The following RAB3IL1 variants were observed in gnomAD, a reference collection of about 807,000 sequenced individuals.
RAB3IL1 encodes guanine nucleotide exchange factor for Rab-3A.
Under a neutral mutation model 49.2 loss-of-function variants are expected in RAB3IL1, and 37 were observed. The observed-to-expected ratio is 0.75, with a 90% CI of 0.58 to 0.99. RAB3IL1 has a LOEUF of 0.99. Ranked by LOEUF, RAB3IL1 falls within the 50% of genes least tolerant of loss-of-function variation. The pLI, the probability that RAB3IL1 is intolerant of heterozygous loss-of-function variation, is 0.00. For synonymous variants in RAB3IL1, 193 were observed against 213.9 expected (o/e 0.90, Z 0.85); for missense variants, 484 against 513.0 (o/e 0.94, Z 0.55).
At position 61,898,892 on chromosome 11, in the gene RAB3IL1, G is replaced by A. The variant is rs751947248; in HGVS notation, c.1066+422C>T. On this transcript the variant is annotated intron_variant, in intron 9 of 9. Coordinates refer to ENST00000394836, the MANE Select transcript of RAB3IL1 (RefSeq NM_013401.4). This position sits in a 1 kb window ranked among gnomAD's most constrained non-coding sequence, Gnocchi z 5.1. ...AGGAGAAGACTCAGCAGCGAGCAAA[G>A]GTTGGTGGAGGAGCGGGGAGCCAGG... 1 of 474,012 alleles carries A rather than the reference G, an allele frequency of 2.1e-6. No individual in the cohort carries two copies. Among genetic ancestry groups the A allele is most frequent in the Non-Finnish European group, 4.2e-6 (1 of 239,166 alleles). The allele number at this position is 474,012 out of a possible 1,614,324, so 29.4% of individuals were successfully genotyped here.
intron 1 of RAB3IL1, among the ~76,000 whole-genome samples, chr11:61,916,510 G>A (rs1468209393): frequency 6.6e-6 from 1 of 152,134 alleles, no homozygotes; most frequent in African/African-American, 2.4e-5. Flanking sequence ...TTTCCGGGGG[G>A]CTTCCCTCAC....
In RAB3IL1 at chr11:61,897,939, TG is replaced by T; in HGVS notation, c.*338del. On this transcript the variant is annotated 3_prime_UTR_variant, in exon 10 of 10. Coordinates refer to ENST00000394836, the MANE Select transcript of RAB3IL1 (RefSeq NM_013401.4). ...GGCACCTGCAGGCAGTTCTGGGGAC[TG>T]GGGAGGGGGCGCTGGCTGCCTCAGG... 7.1e-6 allele frequency: 2 copies of T among 281,182 alleles called. No individual in the cohort carries two copies. Among genetic ancestry groups the T allele is most frequent in the Non-Finnish European group, 6.9e-6 (1 of 145,890 alleles). The allele number at this position is 281,182 out of a possible 1,614,324, so 17.4% of individuals were successfully genotyped here.
Position 61,898,310 on chromosome 11 carries a change from C to A in RAB3IL1, c.1117G>T (p.Ala373Ser). 2 of 1,613,502 alleles carry A rather than the reference C, an allele frequency of 1.2e-6. No homozygotes were observed. Among genetic ancestry groups the A allele is most frequent in the African/African-American group, 2.7e-5 (2 of 75,060 alleles). The change falls in exon 10 of 10, where the codon GCC (alanine) becomes TCC (serine). Residue 373 changes from alanine (A) to serine (S), a missense_variant. Ala to Ser is a moderately conservative substitution (Grantham distance 99). Transcript: ENST00000394836. This position sits in a 1 kb window ranked among gnomAD's most constrained non-coding sequence, Gnocchi z 5.1. ...IMRLRKEMSL[A>S]KLGFFPQEA ...TCCTGGGGGAAGAAGCCGAGCTTGG[C>A]CAGTGACATCTCCTTCCGCAACCTC...
At chr11:61,942,371 T>A in the RAB3IL1 span, among the ~76,000 whole-genome samples, 314 of 152,250 alleles carry the variant, frequency 2.1e-3, 3 homozygotes, top group Admixed American at 2.2e-3. Flanking sequence ...TTTGTTCACT[T>A]GTTTATCTGC....
chr11:61,934,809 C>G, the RAB3IL1 span, among the ~76,000 whole-genome samples: 2 of 152,068 alleles, frequency 1.3e-5, no homozygotes, highest in Non-Finnish European at 2.9e-5. Context: ...TATCACTGTT[C>G]TAGGTATTTA....
chr11:61,924,887 A>T (rs534944394), upstream of RAB3IL1, among the ~76,000 whole-genome samples: 4 of 152,128 alleles, frequency 2.6e-5, no homozygotes, highest in Non-Finnish European at 5.9e-5. Flanking sequence ...CCCGCTCTCA[A>T]CTCCTCAGAA....
At chr11:61,935,211 G>A in the RAB3IL1 span, among the ~76,000 whole-genome samples, 1 of 152,016 alleles carries the variant, frequency 6.6e-6, no homozygotes, top group African/African-American at 2.4e-5. Flanking sequence ...CACGAGGTCT[G>A]GGGTTCAAGA....
Position 61,906,802 on chromosome 11 carries a change from C to T in RAB3IL1, c.439-118G>A. On this transcript the variant is annotated intron_variant, in intron 4 of 9. Coordinates refer to ENST00000394836, the MANE Select transcript of RAB3IL1 (RefSeq NM_013401.4). This position sits in a 1 kb window ranked among gnomAD's most constrained non-coding sequence, Gnocchi z 4.6. The stretch of plus-strand genomic sequence containing the variant: ...CTGCAGTGACAGGCACTTAGTCCCA[C>T]CCGACGCCCTCAGAACAGCCTTCGA... 1 of 956,410 alleles carries T rather than the reference C, an allele frequency of 1.0e-6. No homozygotes were observed. Among genetic ancestry groups the T allele is most frequent in the Non-Finnish European group, 1.6e-6 (1 of 617,822 alleles). The allele number at this position is 956,410 out of a possible 1,614,324, so 59.2% of individuals were successfully genotyped here. A position where few individuals can be genotyped will look rare whatever the true frequency, so the allele number is the denominator to read the frequency against.
the RAB3IL1 span, among the ~76,000 whole-genome samples, chr11:61,932,043 A>G: frequency 1.3e-5 from 2 of 152,022 alleles, no homozygotes; most frequent in Non-Finnish European, 2.9e-5. Flanking sequence ...CAAGGTCAGG[A>G]GTTTGAGACC....
the RAB3IL1 span, among the ~76,000 whole-genome samples, chr11:61,946,162 G>A: frequency 6.6e-6 from 1 of 152,042 alleles, no homozygotes; most frequent in Non-Finnish European, 1.5e-5. Flanking sequence ...TTTGTTCTGT[G>A]ACTGGCCCAA....
chr11:61,898,361 C>A lies in RAB3IL1; in HGVS notation c.1067-1G>T. The A allele has an allele frequency of 6.2e-7, 1 of 1,613,314 alleles. No individual in the cohort carries two copies. Among genetic ancestry groups the A allele is most frequent in the Non-Finnish European group, 8.5e-7 (1 of 1,179,918 alleles). ...ATGATCTCCCAGAACATGGGCTCTGCTGCAGGCAGAGAGAGGGTGAACAGG... is the reference window on the plus strand; with the variant it reads ...ATGATCTCCCAGAACATGGGCTCTGATGCAGGCAGAGAGAGGGTGAACAGG... On this transcript the variant is annotated splice_acceptor_variant, in intron 9 of 9. Transcript: ENST00000394836. LOFTEE classifies it high-confidence loss of function. The surrounding 1 kb of genome is among the most constrained non-coding windows in gnomAD (Gnocchi z 5.1).
At chr11:61,925,306 C>T in the RAB3IL1 span, among the ~76,000 whole-genome samples, 1 of 152,116 alleles carries the variant, frequency 6.6e-6, no homozygotes, top group East Asian at 1.9e-4. Context: ...GCTTTTTAAA[C>T]AAAGTAGGGA....
the RAB3IL1 span, among the ~76,000 whole-genome samples, chr11:61,934,317 T>TACAC: frequency 1.4e-3 from 46 of 33,212 alleles, no homozygotes; most frequent in African/African-American, 4.9e-3. Flanking sequence ...CCTGAGTAAA[T>TACAC]ATACACACAC....
Position 61,904,639 on chromosome 11 carries a change from G to GCCCGTACC in RAB3IL1, c.798_805dup (p.Ala269GlyfsTer24), listed in dbSNP as rs777216304. On this transcript the variant is annotated frameshift_variant, in exon 7 of 10. Transcript: ENST00000394836. LOFTEE classifies it high-confidence loss of function. Reference sequence around the variant, plus strand: ...GGTGAGCGTGTTGTCCTCCACGGCGGCCCGTACCAGCACCGAGAGCTGTGG... The same window carrying GCCCGTACC: ...GGTGAGCGTGTTGTCCTCCACGGCGGCCCGTACCCCCGTACCAGCACCGAGAGCTGTGG... 6.2e-7 allele frequency: 1 copy of GCCCGTACC among 1,611,500 alleles called. No individual in the cohort carries two copies. The highest frequency in any genetic ancestry group is 8.5e-7 in the Non-Finnish European group (1 of 1,178,994).
intron 4 of RAB3IL1, 40 bp downstream of exon 4, chr11:61,907,353 G>C (rs747372755): frequency 2.5e-6 from 4 of 1,601,684 alleles, no homozygotes; most frequent in Non-Finnish European, 2.6e-6. Flanking sequence ...AGGCAGGGGG[G>C]GTGCCTGGGC....
chr11:61,913,836 T>C (rs1163854378), intron 1 of RAB3IL1, among the ~76,000 whole-genome samples: 2 of 152,168 alleles, frequency 1.3e-5, no homozygotes, highest in Non-Finnish European at 2.9e-5. Context: ...TCCCTCCCGC[T>C]ACCTCATTTC....
At chr11:61,936,418 T>C in the RAB3IL1 span, among the ~76,000 whole-genome samples, 1 of 152,254 alleles carries the variant, frequency 6.6e-6, no homozygotes, top group Non-Finnish European at 1.5e-5. Flanking sequence ...TGTTGTTGTT[T>C]TGAGACAGAA....
the RAB3IL1 span, among the ~76,000 whole-genome samples, chr11:61,936,283 T>C: frequency 6.6e-6 from 1 of 152,182 alleles, no homozygotes; most frequent in African/African-American, 2.4e-5. Flanking sequence ...TAATGGAAGA[T>C]TCAATCTTCA....
At chr11:61,934,317 T>TAC in the RAB3IL1 span, among the ~76,000 whole-genome samples, 18 of 33,184 alleles carry the variant, frequency 5.4e-4, 1 homozygote, top group African/African-American at 2.0e-3. Flanking sequence ...CCTGAGTAAA[T>TAC]ATACACACAC....
Sources: gnomAD v4.1 joint callset for allele counts (sites outside exome capture counted in the v4.1 genomes callset) on GRCh38, gnomAD v4.1.1 for gene constraint, Gnocchi (gnomAD v3.1) non-coding constraint, MANE v1.5 for transcripts, NCBI Gene and HGNC (gene_info 2026-07-23, HGNC 2026-07-21) for gene names.